Variants in PRKCA observed in about 807,000 individuals in gnomAD.
PRKCA encodes protein kinase C alpha type.
A neutral mutation model predicts 87.0 loss-of-function variants in PRKCA; 27 were observed. The observed-to-expected ratio is 0.31, with a 90% CI of 0.23 to 0.43. The LOEUF (loss-of-function observed/expected upper bound fraction) is 0.43, where lower values mean the gene tolerates loss of function less well. Among genes scored for constraint, PRKCA ranks in the 20% least tolerant of loss-of-function variants. The pLI is 1.00. For missense variants in PRKCA, 518 were observed against 852.3 expected, an observed-to-expected ratio of 0.61 and a Z score of 4.88; for synonymous variants, 329 against 311.1, an observed-to-expected ratio of 1.06 and a Z score of -0.61.
At chr17:66,394,981 T>C (rs1053851541) in intron 2 of PRKCA, among the ~76,000 whole-genome samples, 10 of 152,228 alleles carry the variant, frequency 6.6e-5, no homozygotes, top group African/African-American at 2.4e-4. Context: ...GGAAAAATAA[T>C]TGGAACAGGC....
chr17:66,628,910 T>C (rs902421602), intron 3 of PRKCA, among the ~76,000 whole-genome samples: 3 of 152,150 alleles, frequency 2.0e-5, no homozygotes, highest in Non-Finnish European at 4.4e-5. Context: ...ATGCCTGTAA[T>C]CCCAGCTACT....
At chr17:66,612,747 T>C (rs529666011) in intron 3 of PRKCA, among the ~76,000 whole-genome samples, 99 of 152,114 alleles carry the variant, frequency 6.5e-4, no homozygotes, top group Admixed American at 2.2e-3. Context: ...TTTTTGTCTT[T>C]AGCTAAGTTG....
In PRKCA at chr17:66,491,231, A is replaced by G. The variant is rs138170674; in HGVS notation, c.206-4970A>G. ...GTGCTTAGAAAATAATTGAATGAAG[A>G]TTTACTTTGTGACTGGAAGCTGCAG... is the stretch of plus-strand genomic sequence containing the variant. On this transcript the variant is annotated intron_variant, in intron 2 of 16. Transcript: ENST00000413366. Among the ~76,000 whole-genome samples, 869 of 152,292 alleles carry G rather than the reference A, an allele frequency of 5.7e-3. 4 individuals carry two copies. The highest frequency in any genetic ancestry group is 9.8e-3 in the Non-Finnish European group (669 of 68,028).
chr17:66,759,724 A>T (rs1218064574), intron 13 of PRKCA, among the ~76,000 whole-genome samples: 1 of 152,250 alleles, frequency 6.6e-6, no homozygotes, highest in Non-Finnish European at 1.5e-5. Context: ...TGTAGATTAA[A>T]AGTAAGTGGA....
intron 8 of PRKCA, among the ~76,000 whole-genome samples, chr17:66,713,374 C>T (rs145401400): frequency 7.2e-5 from 11 of 152,154 alleles, no homozygotes; most frequent in African/African-American, 1.9e-4. Flanking sequence ...AAACCACTCC[C>T]GGGCCCCAGT....
intron 5 of PRKCA, among the ~76,000 whole-genome samples, chr17:66,656,991 C>T (rs976149308): frequency 2.0e-5 from 3 of 152,324 alleles, no homozygotes; most frequent in Non-Finnish European, 4.4e-5. Flanking sequence ...TATACACCTG[C>T]TCTGATTATT....
In PRKCA at chr17:66,689,104, A is replaced by G. The variant is rs575668681; in HGVS notation, c.918+57A>G. 2.3e-4 allele frequency: 261 copies of G among 1,141,424 alleles called. 3 individuals are homozygous for G. In the South Asian group the frequency reaches 2.4e-3, roughly 10 times the overall value. The allele number at this position is 1,141,424 out of a possible 1,614,324, so 70.7% of individuals were successfully genotyped here. ...TCCTTTAGAAAGCCCAACTTCAGGAACGGCCGAGATGTTGTGGTCACATTT... is the reference window on the plus strand; with the variant it reads ...TCCTTTAGAAAGCCCAACTTCAGGAGCGGCCGAGATGTTGTGGTCACATTT... On this transcript the variant is annotated intron_variant, in intron 8 of 16. Transcript: ENST00000413366. The surrounding 1 kb of genome is among the most constrained non-coding windows in gnomAD (Gnocchi z 4.1).
At chr17:66,537,938 T>C (rs952044371) in intron 3 of PRKCA, among the ~76,000 whole-genome samples, 1 of 152,122 alleles carries the variant, frequency 6.6e-6, no homozygotes, top group African/African-American at 2.4e-5. Flanking sequence ...CCCGAGTGGC[T>C]GGGATTACAG....
intron 2 of PRKCA, among the ~76,000 whole-genome samples, chr17:66,482,756 G>A (rs984167394): frequency 1.3e-5 from 2 of 152,170 alleles, no homozygotes; most frequent in African/African-American, 4.8e-5. Context: ...TTGGACTTTG[G>A]ATTAAAGTAA....
intron 2 of PRKCA, among the ~76,000 whole-genome samples, chr17:66,364,844 T>A (rs1028066189): frequency 1.3e-5 from 2 of 152,212 alleles, no homozygotes; most frequent in Non-Finnish European, 2.9e-5. Context: ...CATCTGATTT[T>A]AGACCAATTT....
intron 2 of PRKCA, among the ~76,000 whole-genome samples, chr17:66,410,107 A>G (rs1911686867): frequency 2.0e-5 from 3 of 152,196 alleles, no homozygotes; most frequent in Non-Finnish European, 2.9e-5. Flanking sequence ...GGACTGGTTC[A>G]ATATCTCCCC....
At chr17:66,706,847 G>T (rs1031893604) in intron 8 of PRKCA, among the ~76,000 whole-genome samples, 2 of 152,292 alleles carry the variant, frequency 1.3e-5, no homozygotes, top group South Asian at 4.1e-4. Flanking sequence ...GACTGCATGG[G>T]CCTCAAAGCC....
At chr17:66,397,275 CT>C (rs57003663) in intron 2 of PRKCA, among the ~76,000 whole-genome samples, 7 of 93,670 alleles carry the variant, frequency 7.5e-5, no homozygotes, top group African/African-American at 2.9e-4. Flanking sequence ...CCAGTGTAGA[CT>C]TTTTTTTTTT....
intron 2 of PRKCA, among the ~76,000 whole-genome samples, chr17:66,448,682 C>G (rs1163014592): frequency 6.6e-6 from 1 of 152,084 alleles, no homozygotes; most frequent in African/African-American, 2.4e-5. Context: ...CTTTCCCTGA[C>G]TCTTGACATA....
intron 2 of PRKCA, among the ~76,000 whole-genome samples, chr17:66,322,490 T>C (rs980335393): frequency 2.0e-5 from 3 of 151,772 alleles, no homozygotes; most frequent in African/African-American, 7.3e-5. Context: ...AGAGATGGAG[T>C]CTCCCTCTGT....
At chr17:66,471,138 A>G (rs1435723963) in intron 2 of PRKCA, among the ~76,000 whole-genome samples, 1 of 152,134 alleles carries the variant, frequency 6.6e-6, no homozygotes, top group African/African-American at 2.4e-5. Flanking sequence ...TTAATTTAGC[A>G]TTTGATGACC....
chr17:66,633,020 A>G (rs1431061146), intron 3 of PRKCA, among the ~76,000 whole-genome samples: 1 of 152,198 alleles, frequency 6.6e-6, no homozygotes, highest in Non-Finnish European at 1.5e-5. Context: ...ATTAATGAGC[A>G]TCACCAAAAA....
At chr17:66,649,487 T>C (rs1018319559) in intron 5 of PRKCA, among the ~76,000 whole-genome samples, 3 of 152,228 alleles carry the variant, frequency 2.0e-5, no homozygotes, top group East Asian at 3.8e-4. Context: ...TTATCCTCCT[T>C]CTTGAAATGA....
chr17:66,497,266 G>C (rs1916516066), intron 3 of PRKCA, among the ~76,000 whole-genome samples: 1 of 152,130 alleles, frequency 6.6e-6, no homozygotes, highest in African/African-American at 2.4e-5. Flanking sequence ...GGAAGGCTGA[G>C]GCGGGCGGAT....
Sources: gnomAD v4.1 joint callset for allele counts (sites outside exome capture counted in the v4.1 genomes callset) on GRCh38, gnomAD v4.1.1 for gene constraint, Gnocchi (gnomAD v3.1) non-coding constraint, MANE v1.5 for transcripts, NCBI Gene and HGNC (gene_info 2026-07-23, HGNC 2026-07-21) for gene names.